The following CTNNA3 variants were observed in gnomAD, a reference collection of about 807,000 sequenced individuals.
The protein encoded by CTNNA3 is catenin alpha-3.
Under a neutral mutation model 95.7 loss-of-function variants are expected in CTNNA3, and 76 were observed. The observed-to-expected ratio is 0.79, with a 90% CI of 0.66 to 0.96. The LOEUF (loss-of-function observed/expected upper bound fraction) is 0.96. Among genes scored for constraint, CTNNA3 ranks in the 40% least tolerant of loss-of-function variants. The pLI is 0.00. For synonymous variants in CTNNA3, 431 were observed against 374.4 expected, an observed-to-expected ratio of 1.15 and a Z score of -1.74; for missense variants, 1,191 against 1,089.8, an observed-to-expected ratio of 1.09 and a Z score of -1.31.
intron 5 of CTNNA3, among the ~76,000 whole-genome samples, chr10:67,459,112 A>T (rs1847281863): frequency 6.6e-6 from 1 of 152,202 alleles, no homozygotes; most frequent in Non-Finnish European, 1.5e-5. Context: ...GTCTGTTTTA[A>T]CCATATATTC....
At chr10:65,946,893 T>C (rs891540584) in intron 17 of CTNNA3, among the ~76,000 whole-genome samples, 8 of 152,130 alleles carry the variant, frequency 5.3e-5, no homozygotes, top group Non-Finnish European at 5.9e-5. Context: ...TTCTGTACAG[T>C]AATTGAATAT....
At chr10:66,681,868 T>A (rs148546763) in intron 9 of CTNNA3, among the ~76,000 whole-genome samples, 10 of 152,294 alleles carry the variant, frequency 6.6e-5, no homozygotes, top group African/African-American at 2.4e-4. Context: ...TGAAGAAGGC[T>A]TTACAGAGCT....
At chr10:66,174,918 G>T (rs1200697774) in intron 13 of CTNNA3, among the ~76,000 whole-genome samples, 1 of 152,010 alleles carries the variant, frequency 6.6e-6, no homozygotes, top group Non-Finnish European at 1.5e-5. Context: ...GAATTTAAGT[G>T]ATTTGCTTAA....
chr10:67,201,212 G>A (rs1471948072), intron 6 of CTNNA3, among the ~76,000 whole-genome samples: 1 of 152,144 alleles, frequency 6.6e-6, no homozygotes, highest in Non-Finnish European at 1.5e-5. Flanking sequence ...TGGTTTCCAC[G>A]TGAAACAAAT....
At chr10:66,001,744 T>G (rs1026597727) in intron 15 of CTNNA3, among the ~76,000 whole-genome samples, 1 of 152,182 alleles carries the variant, frequency 6.6e-6, no homozygotes, top group African/African-American at 2.4e-5. Flanking sequence ...TATTTACTTA[T>G]TTTTTACTGT....
chr10:66,256,332 A>G (rs1367058219), intron 13 of CTNNA3, among the ~76,000 whole-genome samples: 1 of 151,874 alleles, frequency 6.6e-6, no homozygotes, highest in Non-Finnish European at 1.5e-5. Context: ...TCAGACAAAA[A>G]CTCCAAAAAT....
chr10:66,208,183 T>C (rs781607789), intron 13 of CTNNA3, among the ~76,000 whole-genome samples: 4 of 152,062 alleles, frequency 2.6e-5, no homozygotes, highest in Non-Finnish European at 5.9e-5. Flanking sequence ...TGGTTTCTCA[T>C]CTGCGGGGTA....
At chr10:66,130,764 G>A (rs909485101) in intron 13 of CTNNA3, among the ~76,000 whole-genome samples, 15 of 151,534 alleles carry the variant, frequency 9.9e-5, no homozygotes, top group African/African-American at 3.6e-4. Context: ...GCTGAGGCAG[G>A]AGTATTGCTT....
At chr10:66,078,595 C>T (rs1201861084) in intron 14 of CTNNA3, among the ~76,000 whole-genome samples, 1 of 151,886 alleles carries the variant, frequency 6.6e-6, no homozygotes, top group African/African-American at 2.4e-5. Context: ...ACTTAACACT[C>T]AACTGAAATG....
At position 66,360,818 on chromosome 10, in the gene CTNNA3, TTTC is replaced by T. The variant is rs1377485780; in HGVS notation, c.1732+18331_1732+18333del. 2.8e-3 allele frequency among the ~76,000 whole-genome samples: 196 copies of T among 71,138 alleles called. 18 individuals are homozygous for T. Among genetic ancestry groups the T allele is most frequent in the Admixed American group, 3.8e-3 (25 of 6,546 alleles). The allele number at this position is 71,138 out of a possible 152,430, so 46.7% of individuals were successfully genotyped here. On this transcript the variant is annotated intron_variant, in intron 12 of 17. Coordinates refer to ENST00000433211, the MANE Select transcript of CTNNA3 (RefSeq NM_013266.4). ...CTTCCTTCCTTCCTTCCTTCCTTCC[TTTC>T]TTTCTTTCTTTCTTTCTTTCTTTCT... is the stretch of plus-strand genomic sequence containing the variant.
At chr10:67,105,392 G>A (rs1858577374) in intron 7 of CTNNA3, among the ~76,000 whole-genome samples, 1 of 152,030 alleles carries the variant, frequency 6.6e-6, no homozygotes, top group Non-Finnish European at 1.5e-5. Context: ...TCTTTCCAAG[G>A]TCAAATTTGA....
At chr10:66,998,071 A>G (rs1589573023) in intron 7 of CTNNA3, among the ~76,000 whole-genome samples, 2 of 152,122 alleles carry the variant, frequency 1.3e-5, no homozygotes, top group East Asian at 3.9e-4. Flanking sequence ...TCATTCTTCT[A>G]CAACAATTGT....
chr10:66,097,541 T>C (rs1000543642), intron 14 of CTNNA3, among the ~76,000 whole-genome samples: 1 of 152,156 alleles, frequency 6.6e-6, no homozygotes, highest in African/African-American at 2.4e-5. Flanking sequence ...ATGAAGGTCA[T>C]ATGGACAGTA....
At chr10:66,025,821 C>G (rs1429498842) in intron 15 of CTNNA3, among the ~76,000 whole-genome samples, 2 of 152,130 alleles carry the variant, frequency 1.3e-5, no homozygotes, top group East Asian at 1.9e-4. Context: ...TCATAAAAGA[C>G]TCATAATTTA....
intron 14 of CTNNA3, among the ~76,000 whole-genome samples, chr10:66,095,313 T>C (rs1297586298): frequency 6.6e-6 from 1 of 151,964 alleles, no homozygotes; most frequent in East Asian, 1.9e-4. Context: ...CCCAGAAAGA[T>C]AGGAGAGCAG....
rs533676224 is a variant in CTNNA3 at position 66,708,385 on chromosome 10, C to T, written c.1281+57879G>A. On this transcript the variant is annotated intron_variant, in intron 9 of 17. Transcript: ENST00000433211. ...GCGGGTGGCGGCCTTCTTGCTCTGT[C>T]TTCGCATGGCCTTTCCTCTGAACTA... Among the ~76,000 whole-genome samples, 14 of 152,134 alleles carry T rather than the reference C, an allele frequency of 9.2e-5. 1 individual carries two copies. The South Asian group carries it at 2.7e-3, about 29-fold the overall frequency.
At chr10:66,650,537 G>T (rs908646406) in intron 9 of CTNNA3, among the ~76,000 whole-genome samples, 1 of 152,112 alleles carries the variant, frequency 6.6e-6, no homozygotes, top group South Asian at 2.1e-4. Flanking sequence ...TCTTGGTCTC[G>T]CTGACTTCAA....
intron 7 of CTNNA3, among the ~76,000 whole-genome samples, chr10:67,052,976 T>C (rs1855204739): frequency 6.6e-6 from 1 of 152,208 alleles, no homozygotes; most frequent in Non-Finnish European, 1.5e-5. Flanking sequence ...TCATTGTACT[T>C]ACACTGACTA....
At chr10:67,528,419 C>T (rs571699619) in intron 4 of CTNNA3, among the ~76,000 whole-genome samples, 2 of 152,178 alleles carry the variant, frequency 1.3e-5, no homozygotes, top group African/African-American at 4.8e-5. Context: ...AGGTCTATGC[C>T]TACCTCTCCA....
Sources: allele counts gnomAD v4.1 joint callset (sites outside exome capture counted in the v4.1 genomes callset), GRCh38; gene constraint gnomAD v4.1.1; transcripts MANE v1.5; gene names NCBI Gene and HGNC (gene_info 2026-07-23, HGNC 2026-07-21).